The following NFKB1 variants were observed in gnomAD, a reference collection of about 807,000 sequenced individuals.
The protein encoded by NFKB1 is nuclear factor kappa B subunit 1.
Under a neutral mutation model 105.1 loss-of-function variants are expected in NFKB1, and 9 were observed. The observed-to-expected ratio is 0.09, with a 90% CI of 0.05 to 0.15. The LOEUF is 0.15. Among genes scored for constraint, NFKB1 ranks in the 10% least tolerant of loss-of-function variants. The pLI, the probability that NFKB1 is intolerant of heterozygous loss-of-function variation, is 1.00. For missense variants in NFKB1, 830 were observed against 1,203.7 expected, an observed-to-expected ratio of 0.69 and a Z score of 4.59; for synonymous variants, 440 against 442.2, an observed-to-expected ratio of 1.00 and a Z score of 0.06.
chr4:102,601,047 C>A, intron 16 of NFKB1, 38 bp downstream of exon 16: 1 of 1,259,796 alleles, frequency 7.9e-7, no homozygotes, highest in Non-Finnish European at 1.1e-6. Flanking sequence ...GAAGAAAAAT[C>A]TGTAGTTTAC....
At chr4:102,587,574 T>C (rs778324642) in intron 11 of NFKB1, among the ~76,000 whole-genome samples, 10 of 152,094 alleles carry the variant, frequency 6.6e-5, no homozygotes, top group Admixed American at 1.3e-4. Context: ...GTAGGAACTA[T>C]CCAATGCAGG....
chr4:102,530,227 G>A (rs746341362), intron 3 of NFKB1, among the ~76,000 whole-genome samples: 12 of 151,988 alleles, frequency 7.9e-5, no homozygotes, highest in Non-Finnish European at 1.8e-4. Context: ...AGATTCACAC[G>A]AGGCAGTCTC....
At chr4:102,548,726 T>C (rs1424134865) in intron 5 of NFKB1, among the ~76,000 whole-genome samples, 1 of 152,164 alleles carries the variant, frequency 6.6e-6, no homozygotes, top group East Asian at 1.9e-4. Context: ...TTGTGGTTGC[T>C]GACAATTCAT....
Position 102,586,001 on chromosome 4 carries a change from A to G in NFKB1, c.1066+1181A>G, listed in dbSNP as rs962107646. Reference sequence around the variant, plus strand: ...GTGAATGGCAGCTTAAGAATTTTGCATTAATTCTGGAGAGGGATAGCCGGG... The same window carrying G: ...GTGAATGGCAGCTTAAGAATTTTGCGTTAATTCTGGAGAGGGATAGCCGGG... On this transcript the variant is annotated intron_variant, in intron 11 of 23. Transcript: ENST00000226574. Among the ~76,000 whole-genome samples, 44 of 152,228 alleles carry G rather than the reference A, an allele frequency of 2.9e-4. 5 individuals are homozygous for G. Among genetic ancestry groups the G allele is most frequent in the Admixed American group, 2.5e-3 (38 of 15,282 alleles).
chr4:102,598,199 T>C (rs1294133999), intron 15 of NFKB1, among the ~76,000 whole-genome samples: 1 of 152,214 alleles, frequency 6.6e-6, no homozygotes, highest in Non-Finnish European at 1.5e-5. Flanking sequence ...CCAGCCCATA[T>C]GTGGGAGTGG....
At chr4:102,560,661 C>G (rs1222922620) in intron 5 of NFKB1, among the ~76,000 whole-genome samples, 4 of 152,204 alleles carry the variant, frequency 2.6e-5, no homozygotes, top group Non-Finnish European at 4.4e-5. Context: ...CATTTATATT[C>G]AGAAGACTCA....
intron 3 of NFKB1, among the ~76,000 whole-genome samples, chr4:102,532,999 G>A (rs1741396956): frequency 6.6e-6 from 1 of 152,106 alleles, no homozygotes; most frequent in African/African-American, 2.4e-5. Flanking sequence ...GATACCATTA[G>A]GGTATGGATT....
Position 102,610,712 on chromosome 4 carries a change from C to G in NFKB1, c.2352+13C>G, listed in dbSNP as rs367586377. 35 of 1,613,152 alleles carry G rather than the reference C, an allele frequency of 2.2e-5. No homozygotes were observed. In the African/African-American group the frequency reaches 3.7e-4, roughly 17 times the overall value. ...CACCAGCTGGCAGGTGAGTGCCGCT[C>G]CATCTGTCTGATGGCTGCCCCTGAG... On this transcript the variant is annotated intron_variant, in intron 20 of 23. Coordinates refer to ENST00000226574, the MANE Select transcript of NFKB1 (RefSeq NM_003998.4).
intron 11 of NFKB1, among the ~76,000 whole-genome samples, chr4:102,586,263 C>T (rs997603623): frequency 6.6e-5 from 10 of 152,056 alleles, no homozygotes; most frequent in Admixed American, 2.6e-4. Flanking sequence ...GTAGGAGAGA[C>T]GGGGAGTCAT....
At chr4:102,585,284 T>A (rs570513461) in intron 11 of NFKB1, among the ~76,000 whole-genome samples, 60 of 152,302 alleles carry the variant, frequency 3.9e-4, no homozygotes, top group Admixed American at 7.2e-4. Flanking sequence ...CCTGGATCCA[T>A]GGTGCTTATT....
intron 11 of NFKB1, among the ~76,000 whole-genome samples, chr4:102,586,809 T>C (rs1256728332): frequency 7.2e-5 from 11 of 152,100 alleles, no homozygotes; most frequent in Non-Finnish European, 1.3e-4. Context: ...CTTGCTGAGG[T>C]TGGAAACCGC....
intron 5 of NFKB1, among the ~76,000 whole-genome samples, chr4:102,541,906 C>T (rs1742020992): frequency 6.6e-6 from 1 of 152,098 alleles, no homozygotes. Flanking sequence ...CACCACTCTG[C>T]GGTGCCTGGA....
intron 1 of NFKB1, among the ~76,000 whole-genome samples, chr4:102,515,365 C>T (rs1481303640): frequency 6.6e-6 from 1 of 151,954 alleles, no homozygotes; most frequent in African/African-American, 2.4e-5. Context: ...CCGCCTCGGC[C>T]TCCCAAAGTG....
intron 5 of NFKB1, among the ~76,000 whole-genome samples, chr4:102,548,563 A>G (rs995733660): frequency 1.9e-4 from 29 of 152,218 alleles, no homozygotes; most frequent in Non-Finnish European, 3.5e-4. Flanking sequence ...GCCAGCTGCC[A>G]TAACAAGTTA....
Position 102,580,645 on chromosome 4 carries a change from TAC to T in NFKB1, c.835+8_835+9del. 6.2e-7 allele frequency: 1 copy of T among 1,602,440 alleles called. No homozygotes were observed. Among genetic ancestry groups the T allele is most frequent in the South Asian group, 1.1e-5 (1 of 90,808 alleles). Reference sequence around the variant, plus strand: ...TTGTGACAAAGTTCAGAAAGGTAAATACATTCTGTGATCTCTGATCTCAAGAG... The same window carrying T: ...TTGTGACAAAGTTCAGAAAGGTAAATATTCTGTGATCTCTGATCTCAAGAG... On this transcript the variant is annotated splice_region_variant and intron_variant, in intron 9 of 23. Coordinates refer to ENST00000226574, the MANE Select transcript of NFKB1 (RefSeq NM_003998.4).
chr4:102,576,603 T>C (rs545015036), intron 6 of NFKB1, among the ~76,000 whole-genome samples: 14 of 152,330 alleles, frequency 9.2e-5, no homozygotes, highest in Admixed American at 5.2e-4. Flanking sequence ...AGTCCAATTA[T>C]ATATTTCGCT....
chr4:102,597,769 C>A, intron 15 of NFKB1, 108 bp downstream of exon 15: 1 of 1,279,610 alleles, frequency 7.8e-7, no homozygotes, highest in Non-Finnish European at 1.1e-6. Context: ...TATATTGAGT[C>A]CTCTAACTGG....
At chr4:102,613,812 C>G (rs1012841918) in intron 23 of NFKB1, among the ~76,000 whole-genome samples, 9 of 152,126 alleles carry the variant, frequency 5.9e-5, no homozygotes, top group African/African-American at 2.2e-4. Flanking sequence ...TTAGTAAACA[C>G]TAAATAATAC....
intron 5 of NFKB1, among the ~76,000 whole-genome samples, chr4:102,558,615 G>A (rs779118163): frequency 6.6e-6 from 1 of 152,078 alleles, no homozygotes; most frequent in Non-Finnish European, 1.5e-5. Context: ...CAAGCACTGA[G>A]GATACAGCAG....
Sources: allele counts gnomAD v4.1 joint callset (sites outside exome capture counted in the v4.1 genomes callset), GRCh38; gene constraint gnomAD v4.1.1; transcripts MANE v1.5; gene names NCBI Gene and HGNC (gene_info 2026-07-23, HGNC 2026-07-21).